The following MOB3B variants were observed in gnomAD, a reference collection of about 807,000 sequenced individuals.
MOB3B encodes MOB kinase activator 3B.
Under a neutral mutation model 18.7 loss-of-function variants are expected in MOB3B, and 7 were observed. That is an observed-to-expected ratio of 0.37 (90% CI 0.21 to 0.70). MOB3B has a LOEUF of 0.70. Among genes scored for constraint, MOB3B ranks in the 30% least tolerant of loss-of-function variants. The probability of loss-of-function intolerance (pLI) is 0.52; values close to 1 mark genes in which losing one functional copy is unlikely to be tolerated. For missense variants in MOB3B, 253 were observed against 281.3 expected (o/e 0.90, Z 0.72); for synonymous variants, 111 against 99.9 (o/e 1.11, Z -0.66).
chr9:27,331,138 T>A (rs995549285), intron 3 of MOB3B, among the ~76,000 whole-genome samples: 1 of 152,216 alleles, frequency 6.6e-6, no homozygotes. Flanking sequence ...AGGACATTTT[T>A]AAAAATAGAA....
At chr9:27,398,129 C>T (rs1759012599) in intron 2 of MOB3B, among the ~76,000 whole-genome samples, 1 of 152,194 alleles carries the variant, frequency 6.6e-6, no homozygotes, top group Admixed American at 6.5e-5. Context: ...CCTTTAATCA[C>T]ACAGCATCCC....
intron 3 of MOB3B, among the ~76,000 whole-genome samples, chr9:27,346,067 A>G (rs991435958): frequency 1.3e-5 from 2 of 152,308 alleles, no homozygotes; most frequent in African/African-American, 4.8e-5. Flanking sequence ...TGACTAAGTG[A>G]TGAGGATCCA....
intron 2 of MOB3B, among the ~76,000 whole-genome samples, chr9:27,399,836 A>T (rs1215159794): frequency 1.3e-5 from 2 of 152,134 alleles, no homozygotes; most frequent in Non-Finnish European, 2.9e-5. Flanking sequence ...ACACGTGCCT[A>T]ATCCTGTGCC....
intron 2 of MOB3B, chr9:27,378,781 G>A (rs1182647452): frequency 4.7e-6 from 2 of 423,076 alleles, no homozygotes; most frequent in East Asian, 7.1e-5. Context: ...ACACAGGGAG[G>A]CTAGGAGAAG....
chr9:27,513,413 C>T (rs1457058594), intron 1 of MOB3B, among the ~76,000 whole-genome samples: 1 of 152,136 alleles, frequency 6.6e-6, no homozygotes, highest in Non-Finnish European at 1.5e-5. Flanking sequence ...CTCCTTCAAG[C>T]ACACATCATA....
chr9:27,402,704 T>C (rs1821901987), intron 2 of MOB3B, among the ~76,000 whole-genome samples: 2 of 152,248 alleles, frequency 1.3e-5, no homozygotes, highest in African/African-American at 4.8e-5. Flanking sequence ...ATTTTCATGT[T>C]TCCAGCAGGC....
At chr9:27,378,740 C>G (rs1821529153) in intron 2 of MOB3B, 2 of 463,338 alleles carry the variant, frequency 4.3e-6, no homozygotes, top group African/African-American at 4.0e-5. Flanking sequence ...GGGCATGTGA[C>G]CAAAGTGATA....
chr9:27,398,020 C>T (rs936567968), intron 2 of MOB3B, among the ~76,000 whole-genome samples: 3 of 152,204 alleles, frequency 2.0e-5, no homozygotes, highest in Non-Finnish European at 4.4e-5. Context: ...AGTCTCCCGT[C>T]TTTTGATAGA....
intron 1 of MOB3B, among the ~76,000 whole-genome samples, chr9:27,515,817 G>T (rs1820223431): frequency 6.6e-6 from 1 of 152,116 alleles, no homozygotes; most frequent in Admixed American, 6.6e-5. Context: ...CATATCCCCT[G>T]TCGTGGATTG....
intron 1 of MOB3B, among the ~76,000 whole-genome samples, chr9:27,498,724 C>A (rs1366418740): frequency 1.3e-5 from 2 of 152,324 alleles, no homozygotes; most frequent in East Asian, 1.9e-4. Context: ...GAGGCACATG[C>A]ACCATTGAAA....
At chr9:27,507,184 A>G (rs192260075) in intron 1 of MOB3B, among the ~76,000 whole-genome samples, 1 of 152,264 alleles carries the variant, frequency 6.6e-6, no homozygotes, top group East Asian at 1.9e-4. Context: ...TAGAAACAGA[A>G]GCTTCCATAT....
intron 2 of MOB3B, among the ~76,000 whole-genome samples, chr9:27,447,842 G>A (rs924046608): frequency 6.6e-6 from 1 of 152,194 alleles, no homozygotes; most frequent in African/African-American, 2.4e-5. Flanking sequence ...TGGGGTGCAG[G>A]GAGTGGATTC....
At chr9:27,527,589 A>G (rs991485562) in intron 1 of MOB3B, among the ~76,000 whole-genome samples, 1 of 152,236 alleles carries the variant, frequency 6.6e-6, no homozygotes, top group African/African-American at 2.4e-5. Flanking sequence ...GTGGGTACAT[A>G]GATCATAATG....
intron 2 of MOB3B, among the ~76,000 whole-genome samples, chr9:27,446,391 G>T (rs1324869935): frequency 2.6e-5 from 4 of 152,178 alleles, no homozygotes; most frequent in Admixed American, 2.6e-4. Flanking sequence ...CAGGCCACTT[G>T]TGCTATGCCT....
chr9:27,459,343 G>A (rs1273442978), intron 1 of MOB3B, among the ~76,000 whole-genome samples: 1 of 152,136 alleles, frequency 6.6e-6, no homozygotes, highest in Non-Finnish European at 1.5e-5. Flanking sequence ...TCTCCCAGGT[G>A]GTACTGAATC....
At chr9:27,501,357 C>T (rs1036222926) in intron 1 of MOB3B, among the ~76,000 whole-genome samples, 3 of 152,032 alleles carry the variant, frequency 2.0e-5, no homozygotes, top group African/African-American at 7.2e-5. Context: ...AACTCAAATG[C>T]CCATCAATGA....
chr9:27,413,971 T>C (rs1822111139), intron 2 of MOB3B, among the ~76,000 whole-genome samples: 1 of 152,212 alleles, frequency 6.6e-6, no homozygotes, highest in Admixed American at 6.5e-5. Context: ...AGTGCTGGAA[T>C]CTGAGAAGTA....
chr9:27,346,215 T>C (rs1042240659), intron 3 of MOB3B, among the ~76,000 whole-genome samples: 3 of 152,198 alleles, frequency 2.0e-5, no homozygotes, highest in African/African-American at 7.2e-5. Context: ...CAAACCCTTA[T>C]TGGATACTAG....
At chr9:27,509,509 T>G (rs1820109923) in intron 1 of MOB3B, among the ~76,000 whole-genome samples, 1 of 152,120 alleles carries the variant, frequency 6.6e-6, no homozygotes, top group African/African-American at 2.4e-5. Flanking sequence ...CTCCGCCTCC[T>G]GGGTTCAAGC....
Sources: allele counts gnomAD v4.1 joint callset (sites outside exome capture counted in the v4.1 genomes callset), GRCh38; gene constraint gnomAD v4.1.1; transcripts MANE v1.5; gene names NCBI Gene and HGNC (gene_info 2026-07-23, HGNC 2026-07-21).